Variants in TTC23 observed in about 807,000 individuals in gnomAD.
The protein encoded by TTC23 is tetratricopeptide repeat domain 23.
A neutral mutation model predicts 55.1 loss-of-function variants in TTC23; 58 were observed. The ratio of observed to expected loss-of-function variants is 1.05; its 90% CI spans 0.85 to 1.31. TTC23 has a LOEUF of 1.31. Among genes scored for constraint, TTC23 ranks in the 50% most tolerant of loss-of-function variants. The probability of loss-of-function intolerance (pLI) is 0.00; values close to 1 mark genes in which losing one functional copy is unlikely to be tolerated. For synonymous variants in TTC23, 203 were observed against 199.9 expected (o/e 1.02, Z -0.13); for missense variants, 516 against 534.4 (o/e 0.97, Z 0.34).
upstream of TTC23, chr15:99,251,180 A>T (rs764109490): frequency 1.1e-4 from 17 of 152,268 alleles, no homozygotes; most frequent in Non-Finnish European, 8.8e-5. Context: ...AGCAAAAGCC[A>T]CTCCGTCGAC....
At chr15:99,199,885 G>T (rs752723745) in intron 9 of TTC23, 34 bp downstream of exon 9, 3 of 1,584,768 alleles carry the variant, frequency 1.9e-6, no homozygotes, top group Non-Finnish European at 2.6e-6. Flanking sequence ...ATTGGGCCTA[G>T]AACAGCTTTG....
chr15:99,168,205 G>A (rs2151912791), intron 10 of TTC23, among the ~76,000 whole-genome samples: 1 of 152,322 alleles, frequency 6.6e-6, no homozygotes, highest in South Asian at 2.1e-4. Context: ...GTGATACAAG[G>A]AAGTCCGTGG....
At chr15:99,209,420 T>C (rs1466107946) in intron 8 of TTC23, among the ~76,000 whole-genome samples, 1 of 152,214 alleles carries the variant, frequency 6.6e-6, no homozygotes, top group Non-Finnish European at 1.5e-5. Flanking sequence ...CTTTGCTCTG[T>C]TGAATGCATT....
intron 9 of TTC23, among the ~76,000 whole-genome samples, chr15:99,179,981 T>C (rs923861342): frequency 1.3e-5 from 2 of 152,232 alleles, no homozygotes; most frequent in Non-Finnish European, 2.9e-5. Flanking sequence ...TGAGGGAATA[T>C]AAATACCCTG....
chr15:99,221,775 A>G lies in TTC23; in HGVS notation c.270T>C (p.His90=), dbSNP rs150042428. 4.0e-4 allele frequency: 640 copies of G among 1,614,150 alleles called. 2 individuals carry two copies. Among genetic ancestry groups the G allele is most frequent in the Non-Finnish European group, 4.9e-4 (575 of 1,180,010 alleles). The change falls in exon 6 of 14, where the codon CAT becomes CAC. Residue 90 remains histidine, a synonymous_variant. Coordinates refer to ENST00000394132, the MANE Select transcript of TTC23 (RefSeq NM_001288615.3). ...GDSHWKLAEA[H]VNLAQGYLQL... is the part of the protein sequence containing the mutation. ...GGAGGTAGCCTTGAGCCAGATTAACATGTGCCTCTGCTAGTTTCCAATGTG... is the reference window on the plus strand; with the variant it reads ...GGAGGTAGCCTTGAGCCAGATTAACGTGTGCCTCTGCTAGTTTCCAATGTG...
intron 8 of TTC23, among the ~76,000 whole-genome samples, chr15:99,214,981 G>A (rs2077358186): frequency 6.8e-6 from 1 of 147,114 alleles, no homozygotes; most frequent in Admixed American, 7.0e-5. Context: ...TCAGCCTCCC[G>A]AGTAGCTGGG....
At chr15:99,250,768 C>G (rs2080667355), upstream of TTC23, among the ~76,000 whole-genome samples, 1 of 152,164 alleles carries the variant, frequency 6.6e-6, no homozygotes, top group Non-Finnish European at 1.5e-5. Flanking sequence ...TTTTAGCAAT[C>G]TTTACTCAAA....
At chr15:99,199,754 A>G (rs529377716) in intron 9 of TTC23, among the ~76,000 whole-genome samples, 165 bp downstream of exon 9, 5 of 152,314 alleles carry the variant, frequency 3.3e-5, no homozygotes, top group Admixed American at 3.3e-4. Context: ...TGCCCACGTG[A>G]CCACCTGATA....
intron 9 of TTC23, among the ~76,000 whole-genome samples, chr15:99,186,726 C>A (rs953438490): frequency 1.3e-5 from 2 of 151,976 alleles, no homozygotes; most frequent in African/African-American, 2.4e-5. Flanking sequence ...TAATAAAATA[C>A]TTAGGAATAA....
At chr15:99,138,565 G>A (rs1038386096) in intron 13 of TTC23, among the ~76,000 whole-genome samples, 2 of 152,140 alleles carry the variant, frequency 1.3e-5, no homozygotes, top group African/African-American at 2.4e-5. Context: ...CCACCGCCTC[G>A]GCCTCCCAAG....
At chr15:99,250,438 T>C (rs2080631423), upstream of TTC23, among the ~76,000 whole-genome samples, 1 of 152,196 alleles carries the variant, frequency 6.6e-6, no homozygotes, top group Non-Finnish European at 1.5e-5. Flanking sequence ...ATTATAAAGT[T>C]AAAGTTCCTT....
intron 9 of TTC23, among the ~76,000 whole-genome samples, chr15:99,183,469 G>T (rs1056187558): frequency 6.7e-6 from 1 of 149,230 alleles, no homozygotes; most frequent in African/African-American, 2.5e-5. Context: ...CTACAGGCAC[G>T]TGCCACCACG....
chr15:99,175,057 C>G lies in TTC23; in HGVS notation c.858G>C (p.Glu286Asp). 6.2e-7 allele frequency: 1 copy of G among 1,613,988 alleles called. No individual in the cohort carries two copies. Among genetic ancestry groups the G allele is most frequent in the Non-Finnish European group, 8.5e-7 (1 of 1,179,956 alleles). The change falls in exon 10 of 14, where the codon GAG (glutamate) becomes GAC (aspartate). Residue 286 changes from glutamate to aspartate, a missense_variant. Physicochemically the swap from Glu to Asp is conservative, Grantham distance 45. Transcript: ENST00000394132. The stretch of plus-strand genomic sequence containing the variant: ...GAAAAGGATTCTTCTCACCATGGTG[C>G]TCGTGTCTCCCTGAAGCGACAGCAG... Reference protein sequence around the residue: ...AHAAVASGRHEHHDVAEQYFQ... With the variant: ...AHAAVASGRHDHHDVAEQYFQ...
chr15:99,231,580 C>T (rs2078938133), intron 4 of TTC23, among the ~76,000 whole-genome samples: 1 of 152,168 alleles, frequency 6.6e-6, no homozygotes, highest in Middle Eastern at 3.2e-3. Flanking sequence ...GCAAGCTCCG[C>T]CTCCCGGGTT....
intron 5 of TTC23, among the ~76,000 whole-genome samples, chr15:99,222,818 A>G (rs1243050434): frequency 6.6e-6 from 1 of 152,094 alleles, no homozygotes; most frequent in Non-Finnish European, 1.5e-5. Flanking sequence ...TAACATGGTG[A>G]AACCCCATCT....
intron 10 of TTC23, among the ~76,000 whole-genome samples, chr15:99,169,062 TGG>T (rs2151914874): frequency 6.6e-6 from 1 of 152,288 alleles, no homozygotes; most frequent in Non-Finnish European, 1.5e-5. Context: ...AAACAGAGTA[TGG>T]GGCATCTCTT....
rs2152095176 is a variant in TTC23, at chr15:99,241,513, G to C, written c.-262C>G. On this transcript the variant is annotated 5_prime_UTR_variant, in exon 3 of 14. Transcript: ENST00000394132. ...CTTTCTAGGTCTCTGAATCACAACT[G>C]CCAATGAGACCTACTCAGTCAGTTG... The C allele has an allele frequency of 6.6e-6, 1 of 152,346 alleles. No individual in the cohort carries two copies. The highest frequency in any genetic ancestry group is 2.1e-4 in the South Asian group (1 of 4,822). 9.4% of individuals were successfully genotyped at this position (152,346 alleles called of 1,614,324 possible). A position where few individuals can be genotyped will look rare whatever the true frequency, so the allele number is the denominator to read the frequency against.
chr15:99,238,345 G>C (rs922591449), intron 3 of TTC23, among the ~76,000 whole-genome samples: 1 of 152,036 alleles, frequency 6.6e-6, no homozygotes, highest in Non-Finnish European at 1.5e-5. Flanking sequence ...AATGTATTAC[G>C]CAGAAAACAA....
chr15:99,187,452 C>CAAAAAAAAAAAAAAAA lies in TTC23; in HGVS notation c.760-12313_760-12298dup, dbSNP rs66568931. The stretch of plus-strand genomic sequence containing the variant: ...GGAGATGTGATGCCAAAAGCACAAG[C>CAAAAAAAAAAAAAAAA]AAAAAAAAAAAAAAAACAAAACAAA... On this transcript the variant is annotated intron_variant, in intron 9 of 13. Transcript: ENST00000394132. 3.6e-3 allele frequency among the ~76,000 whole-genome samples: 160 copies of CAAAAAAAAAAAAAAAA among 44,384 alleles called. 8 individuals carry two copies. The highest frequency in any genetic ancestry group is 4.4e-3 in the African/African-American group (45 of 10,164). The allele number at this position is 44,384 out of a possible 152,430, so 29.1% of individuals were successfully genotyped here.
Sources: allele counts gnomAD v4.1 joint callset (sites outside exome capture counted in the v4.1 genomes callset), GRCh38; gene constraint gnomAD v4.1.1; transcripts MANE v1.5; gene names NCBI Gene and HGNC (gene_info 2026-07-23, HGNC 2026-07-21).